The following AKAP9 variants were observed in gnomAD, a reference collection of about 807,000 sequenced individuals.
AKAP9 encodes the protein A-kinase anchoring protein 9.
Under a neutral mutation model 488.5 loss-of-function variants are expected in AKAP9, and 311 were observed. The observed-to-expected ratio is 0.64, with a 90% CI of 0.58 to 0.70. The LOEUF is 0.70. AKAP9 is among the 30% of genes least tolerant of loss of function. The probability of loss-of-function intolerance (pLI) is 0.00; values close to 1 mark genes in which losing one functional copy is unlikely to be tolerated. For missense variants in AKAP9, 4,215 were observed against 4,374.5 expected (o/e 0.96, Z 1.03); for synonymous variants, 1,462 against 1,483.5 (o/e 0.99, Z 0.33).
intron 1 of AKAP9, among the ~76,000 whole-genome samples, chr7:91,944,918 A>G (rs988536020): frequency 2.0e-5 from 3 of 152,170 alleles, no homozygotes. Context: ...TGTTGTGCTT[A>G]TTCTTTCCTT....
In AKAP9 at chr7:92,097,097, A is replaced by G. The variant is rs753890756; in HGVS notation, c.10138A>G (p.Met3380Val). ...GGATTCTTTGCAAACACGACAGCAA[A>G]TGGAAAAAGATAGGCAGGTTCACAG... ...KLDSLQTRQQ[M>V]EKDRQVHRKT... The change falls in exon 41 of 50, where the codon ATG (methionine) becomes GTG (valine). Residue 3380 changes from methionine (M) to valine (V), a missense_variant. Met to Val is a conservative substitution (Grantham distance 21). Transcript: ENST00000356239. The G allele has an allele frequency of 3.7e-6, 6 of 1,614,144 alleles. No homozygotes were observed. In the South Asian group the frequency reaches 4.4e-5, roughly 12 times the overall value.
chr7:91,990,402 G>A (rs186895891), intron 3 of AKAP9, among the ~76,000 whole-genome samples: 123 of 152,034 alleles, frequency 8.1e-4, no homozygotes, highest in African/African-American at 2.7e-3. Flanking sequence ...TCTAACTTTG[G>A]AATATAGTGT....
rs145936668 is a variant in AKAP9 at position 91,973,743 on chromosome 7, G to A, written c.81G>A (p.Ser27=). 7.9e-5 allele frequency: 127 copies of A among 1,613,594 alleles called. No homozygotes were observed. In the African/African-American group the frequency reaches 1.0e-3, roughly 13 times the overall value. The change falls in exon 2 of 50, where the codon TCG becomes TCA. Residue 27 remains serine, a synonymous_variant. Coordinates refer to ENST00000356239, the MANE Select transcript of AKAP9 (RefSeq NM_005751.5). ...AGTTTCGACAAAGAAAAGCTCAGTC[G>A]GATGGGCAGAGTCCTTCCAAGAAGC... The part of the protein sequence containing the change: ...LAQFRQRKAQ[S]DGQSPSKKQK...
intron 27 of AKAP9, among the ~76,000 whole-genome samples, 198 bp downstream of exon 27, chr7:92,070,404 GTTTTGTTTTGTT>G (rs1274304441): frequency 1.1e-4 from 3 of 27,834 alleles, no homozygotes; most frequent in Non-Finnish European, 1.9e-4. Context: ...TGTTGTTGTT[GTTTTGTTTTGTT>G]TTGTTTTGTT....
At chr7:92,094,758 G>A (rs1451531042) in intron 39 of AKAP9, among the ~76,000 whole-genome samples, 3 of 152,206 alleles carry the variant, frequency 2.0e-5, no homozygotes, top group East Asian at 3.9e-4. Context: ...GCTTTAACCC[G>A]GGAGGTGGAG....
chr7:92,066,674 A>C (rs997234655), intron 26 of AKAP9, 128 bp downstream of exon 26: 97 of 1,194,286 alleles, frequency 8.1e-5, no homozygotes, highest in Non-Finnish European at 1.1e-4. Context: ...CAGAAAACTT[A>C]ATATTACTTA....
intron 40 of AKAP9, 129 bp downstream of exon 40, chr7:92,095,302 T>A: frequency 9.9e-7 from 1 of 1,006,936 alleles, no homozygotes; most frequent in Non-Finnish European, 1.5e-6. Context: ...TCACTGTGCA[T>A]TGAATACTAC....
At chr7:92,062,170 T>C (rs1809970676) in intron 23 of AKAP9, 104 bp from the exon 24 acceptor site, 1 of 1,010,992 alleles carries the variant, frequency 9.9e-7, no homozygotes, top group Non-Finnish European at 1.5e-6. Flanking sequence ...GTTGGAATGA[T>C]GGAAAGTTTT....
chr7:92,001,128 T>C lies in AKAP9; in HGVS notation c.1211T>C (p.Leu404Pro). 2 of 1,613,998 alleles carry C rather than the reference T, an allele frequency of 1.2e-6. No homozygotes were observed. The highest frequency in any genetic ancestry group is 1.7e-6 in the Non-Finnish European group (2 of 1,179,954). Residue 404 changes from leucine to proline, a missense_variant, in exon 8 of 50, where the codon CTT becomes CCT. Coordinates refer to ENST00000356239, the MANE Select transcript of AKAP9 (RefSeq NM_005751.5). ...IKQLMGTVEE[L>P]QKRNHKDSQF... is the part of the protein sequence containing the mutation. ...CAGTTAATGGGGACAGTCGAAGAAC[T>C]TCAGAAGAGAAATCATAAAGACAGC...
In AKAP9 at chr7:92,017,058, G is replaced by A. The variant is rs1424485718; in HGVS notation, c.3793G>A (p.Glu1265Lys). ...NMHTLLNKVT[E>K]EYNKLLVLQT... ...GCACACTCTTCTCAACAAAGTAACA[G>A]AAGAATACAACAAACTCTTGGTACT... The change falls in exon 12 of 50, where the codon GAA (glutamate) becomes AAA (lysine). Residue 1265 changes from glutamate to lysine, a missense_variant. By Grantham distance (56) the Glu-to-Lys change is moderately conservative (BLOSUM62 1). This residue lies in a region of AKAP9 where 2,361 missense variants were observed against 2,430.0 expected (regional missense o/e 0.97). Transcript: ENST00000356239. The A allele has an allele frequency of 8.4e-5, 134 of 1,591,988 alleles. No individual in the cohort carries two copies. The highest frequency in any genetic ancestry group is 1.1e-4 in the Non-Finnish European group (124 of 1,164,592).
chr7:92,013,690 G>A (rs1801108893), intron 9 of AKAP9, among the ~76,000 whole-genome samples: 3 of 152,174 alleles, frequency 2.0e-5, no homozygotes, highest in African/African-American at 4.8e-5. Context: ...TTTGAGAGTG[G>A]CTTAAATAAC....
Position 92,084,825 on chromosome 7 carries a change from G to A in AKAP9, c.8717G>A (p.Gly2906Glu). The A allele has an allele frequency of 6.2e-7, 1 of 1,612,844 alleles. No individual in the cohort carries two copies. Among genetic ancestry groups the A allele is most frequent in the South Asian group, 1.1e-5 (1 of 90,938 alleles). ...QTREICSSDS[G>E]SDWGQGIYLT... ...ATTATTTTCTTTATTTTAGATTCTGGATCAGACTGGGGTCAGGGAATTTAT... is the reference window on the plus strand; with the variant it reads ...ATTATTTTCTTTATTTTAGATTCTGAATCAGACTGGGGTCAGGGAATTTAT... Residue 2906 changes from glycine (G) to glutamate (E), a missense_variant, in exon 35 of 50, where the codon GGA (glycine) becomes GAA (glutamate). Physicochemically the swap from Gly to Glu is moderately conservative, Grantham distance 98. This residue lies in a region of AKAP9 where 1,476 missense variants were observed against 1,477.4 expected (regional missense o/e 1.00). Coordinates refer to ENST00000356239, the MANE Select transcript of AKAP9 (RefSeq NM_005751.5).
chr7:91,941,251 C>A (rs1790714231), intron 1 of AKAP9, 104 bp downstream of exon 1: 2 of 1,147,112 alleles, frequency 1.7e-6, no homozygotes, highest in Non-Finnish European at 2.6e-6. Flanking sequence ...AGTGCACTGC[C>A]CGAGAGGGAG....
intron 5 of AKAP9, 95 bp downstream of exon 5, chr7:91,993,150 A>G: frequency 7.4e-7 from 1 of 1,346,886 alleles, no homozygotes; most frequent in African/African-American, 1.5e-5. Flanking sequence ...GGTTTTTAAA[A>G]TTTTTTTTTA....
intron 5 of AKAP9, 89 bp downstream of exon 5, chr7:91,993,144 T>G: frequency 7.0e-7 from 1 of 1,420,028 alleles, no homozygotes; most frequent in Non-Finnish European, 9.6e-7. Flanking sequence ...AGATGGGGTT[T>G]TTAAAATTTT....
intron 22 of AKAP9, chr7:92,058,209 G>C (rs372163457): frequency 5.1e-6 from 3 of 593,020 alleles, no homozygotes; most frequent in Non-Finnish European, 1.0e-5. Flanking sequence ...GTCAAAGTCA[G>C]TGGCTCGTGG....
intron 8 of AKAP9, 85 bp downstream of exon 8, chr7:92,003,320 T>G: frequency 9.8e-7 from 1 of 1,024,580 alleles, no homozygotes; most frequent in Non-Finnish European, 1.5e-6. Flanking sequence ...AGAACATAAG[T>G]TCATATCCTT....
chr7:92,033,517 C>T (rs887315572), intron 16 of AKAP9, among the ~76,000 whole-genome samples: 1 of 146,622 alleles, frequency 6.8e-6, no homozygotes, highest in Admixed American at 7.0e-5. Flanking sequence ...GCAATCTCTG[C>T]TCACCGCAAC....
chr7:91,963,571 G>T (rs1489494145), intron 1 of AKAP9, among the ~76,000 whole-genome samples: 2 of 151,702 alleles, frequency 1.3e-5, no homozygotes, highest in Non-Finnish European at 2.9e-5. Flanking sequence ...AGGCTAGAGT[G>T]CAGTGGCATG....
Sources: gnomAD v4.1 joint callset for allele counts (sites outside exome capture counted in the v4.1 genomes callset) on GRCh38, gnomAD v4.1.1 for gene constraint, gnomAD v4.1.1 regional missense constraint, MANE v1.5 for transcripts, NCBI Gene and HGNC (gene_info 2026-07-23, HGNC 2026-07-21) for gene names.